Variants in GRID2 observed in about 807,000 individuals in gnomAD.
The protein encoded by GRID2 is glutamate ionotropic receptor delta type subunit 2.
A neutral mutation model predicts 114.8 loss-of-function variants in GRID2; 33 were observed. The ratio of observed to expected loss-of-function variants is 0.29; its 90% CI spans 0.22 to 0.38. GRID2 has a LOEUF of 0.38. Ranked by LOEUF, GRID2 falls within the 10% of genes least tolerant of loss-of-function variation. GRID2 has a pLI of 1.00. For synonymous variants in GRID2, 505 were observed against 449.9 expected (o/e 1.12, Z -1.55); for missense variants, 1,184 against 1,257.7 (o/e 0.94, Z 0.89).
intron 2 of GRID2, chr4:92,821,949 G>T (rs142064462): frequency 9.4e-5 from 15 of 159,092 alleles, no homozygotes; most frequent in Admixed American, 3.2e-4. Context: ...AAATCAGAAA[G>T]TCAGTTGAAA....
At chr4:93,100,709 A>T (rs544683562) in intron 3 of GRID2, among the ~76,000 whole-genome samples, 1 of 152,188 alleles carries the variant, frequency 6.6e-6, no homozygotes, top group Non-Finnish European at 1.5e-5. Context: ...ACTCCAAGTG[A>T]GGTCTTAAAA....
At chr4:92,845,586 C>T (rs1349856140) in intron 2 of GRID2, among the ~76,000 whole-genome samples, 3 of 152,040 alleles carry the variant, frequency 2.0e-5, no homozygotes, top group African/African-American at 7.2e-5. Context: ...CTCTGCCCTC[C>T]TCCACCCTTC....
chr4:93,587,196 A>G (rs1385797339), intron 13 of GRID2, among the ~76,000 whole-genome samples: 1 of 152,140 alleles, frequency 6.6e-6, no homozygotes, highest in Non-Finnish European at 1.5e-5. Context: ...AGCACAGCCT[A>G]TATAACTATA....
At chr4:92,995,564 G>C (rs1479289597) in intron 2 of GRID2, among the ~76,000 whole-genome samples, 1 of 151,920 alleles carries the variant, frequency 6.6e-6, no homozygotes, top group Non-Finnish European at 1.5e-5. Flanking sequence ...AATAAGGTAG[G>C]GCCTTGTATA....
At chr4:93,083,659 G>A (rs1730076379) in intron 2 of GRID2, among the ~76,000 whole-genome samples, 1 of 133,672 alleles carries the variant, frequency 7.5e-6, no homozygotes, top group Non-Finnish European at 1.5e-5. Flanking sequence ...TCACACCACT[G>A]CACTCCAGTC....
chr4:93,205,006 T>G (rs1029683111), intron 4 of GRID2, among the ~76,000 whole-genome samples: 5 of 152,146 alleles, frequency 3.3e-5, no homozygotes, highest in African/African-American at 1.2e-4. Flanking sequence ...TTTACCCCCT[T>G]GTACAACATA....
chr4:93,765,857 G>A (rs1381091645), intron 14 of GRID2, among the ~76,000 whole-genome samples: 3 of 151,860 alleles, frequency 2.0e-5, no homozygotes, highest in Non-Finnish European at 4.4e-5. Context: ...AAGCCTCTCC[G>A]GTGGAATGTG....
At chr4:93,784,709 T>C (rs930091682) in intron 1 of GRID2, among the ~76,000 whole-genome samples, 7 of 150,846 alleles carry the variant, frequency 4.6e-5, no homozygotes, top group Non-Finnish European at 8.8e-5. Context: ...CATGCAAGAC[T>C]CTCAAAGCTA....
chr4:93,630,258 T>C, intron 14 of GRID2, among the ~76,000 whole-genome samples: 1 of 152,198 alleles, frequency 6.6e-6, no homozygotes, highest in East Asian at 1.9e-4. Flanking sequence ...ATTCTCTACC[T>C]GACACGATTT....
At chr4:93,366,907 A>G (rs930013903) in intron 8 of GRID2, among the ~76,000 whole-genome samples, 1 of 152,000 alleles carries the variant, frequency 6.6e-6, no homozygotes, top group South Asian at 2.1e-4. Context: ...AATTTGAAAA[A>G]GAATATATAT....
intron 2 of GRID2, among the ~76,000 whole-genome samples, chr4:93,064,955 G>A (rs1728161194): frequency 6.6e-6 from 1 of 151,702 alleles, no homozygotes; most frequent in Non-Finnish European, 1.5e-5. Context: ...GAATCATTCT[G>A]TTGTTTTATA....
At chr4:92,964,453 G>T (rs1373605781) in intron 2 of GRID2, among the ~76,000 whole-genome samples, 3 of 151,984 alleles carry the variant, frequency 2.0e-5, no homozygotes, top group Non-Finnish European at 4.4e-5. Flanking sequence ...AAGCCTAGAT[G>T]ACAGGTTGAT....
chr4:93,423,733 C>T (rs1905730), intron 10 of GRID2, among the ~76,000 whole-genome samples: 105,618 of 151,916 alleles, frequency 0.7, 37,193 homozygotes, highest in African/African-American at 0.81. Flanking sequence ...CCTCTATGTC[C>T]TTCTTTAGTC....
intron 2 of GRID2, among the ~76,000 whole-genome samples, chr4:92,643,019 G>A (rs532469610): frequency 5.3e-5 from 8 of 151,866 alleles, no homozygotes; most frequent in South Asian, 2.1e-4. Context: ...ATAGTTTGAC[G>A]TTAAGTAATG....
chr4:92,591,250 T>C (rs2149211796), intron 2 of GRID2, among the ~76,000 whole-genome samples: 1 of 152,234 alleles, frequency 6.6e-6, no homozygotes, highest in South Asian at 2.1e-4. Flanking sequence ...AGGCACCGTC[T>C]GTGAAGCAGA....
chr4:92,665,720 T>G (rs1353669156), intron 2 of GRID2, among the ~76,000 whole-genome samples: 1 of 151,200 alleles, frequency 6.6e-6, no homozygotes, highest in African/African-American at 2.4e-5. Context: ...ATGTTTTTTT[T>G]TTCTAGTAGT....
intron 1 of GRID2, among the ~76,000 whole-genome samples, chr4:93,803,921 C>A (rs573294191): frequency 6.6e-6 from 1 of 152,278 alleles, no homozygotes; most frequent in Admixed American, 6.5e-5. Context: ...CTACAACCAT[C>A]ATCACACTGC....
chr4:93,315,885 A>G (rs1756529815), intron 8 of GRID2, among the ~76,000 whole-genome samples: 1 of 152,158 alleles, frequency 6.6e-6, no homozygotes, highest in Non-Finnish European at 1.5e-5. Flanking sequence ...ATGCATTTTG[A>G]TAAGTGAAAT....
At chr4:93,616,028 C>G (rs925395806) in intron 13 of GRID2, among the ~76,000 whole-genome samples, 3 of 152,060 alleles carry the variant, frequency 2.0e-5, no homozygotes, top group Non-Finnish European at 2.9e-5. Flanking sequence ...AACATTTTAG[C>G]CATTCATAGT....
Sources: allele counts gnomAD v4.1 joint callset (sites outside exome capture counted in the v4.1 genomes callset), GRCh38; gene constraint gnomAD v4.1.1; transcripts MANE v1.5; gene names NCBI Gene and HGNC (gene_info 2026-07-23, HGNC 2026-07-21).